PLPP4: variants seen among roughly 807,000 people sequenced by gnomAD.
The protein encoded by PLPP4 is diacylglycerol pyrophosphate like 2.
A neutral mutation model predicts 32.2 loss-of-function variants in PLPP4; 20 were observed. The ratio of observed to expected loss-of-function variants is 0.62; its 90% confidence interval spans 0.44 to 0.90. PLPP4 has a LOEUF of 0.90. Among genes scored for constraint, PLPP4 ranks in the 40% least tolerant of loss-of-function variants. The pLI is 0.00. For synonymous variants in PLPP4, 127 were observed against 133.0 expected (o/e 0.95, Z 0.31); for missense variants, 257 against 353.1 (o/e 0.73, Z 2.18).
At chr10:120,470,370 C>A (rs866980753) in intron 1 of PLPP4, among the ~76,000 whole-genome samples, 7 of 152,276 alleles carry the variant, frequency 4.6e-5, no homozygotes, top group Non-Finnish European at 8.8e-5. Flanking sequence ...TGCAAATATT[C>A]TTCCATGTCT....
intron 1 of PLPP4, among the ~76,000 whole-genome samples, chr10:120,463,180 C>T (rs1437526710): frequency 6.6e-6 from 1 of 151,920 alleles, no homozygotes; most frequent in African/African-American, 2.4e-5. Context: ...GTGCCCGCCA[C>T]CACGCCTGGC....
At chr10:120,493,922 G>T (rs922564749) in intron 1 of PLPP4, among the ~76,000 whole-genome samples, 9 of 152,140 alleles carry the variant, frequency 5.9e-5, no homozygotes, top group African/African-American at 2.2e-4. Flanking sequence ...GGCAGGCTTT[G>T]TAGTGTATCA....
chr10:120,507,571 C>T (rs1845555786), intron 2 of PLPP4, among the ~76,000 whole-genome samples: 1 of 152,216 alleles, frequency 6.6e-6, no homozygotes, highest in Non-Finnish European at 1.5e-5. Flanking sequence ...ATACAACTGT[C>T]AGTGGCTGAA....
intron 1 of PLPP4, among the ~76,000 whole-genome samples, chr10:120,500,458 C>G (rs1845190282): frequency 6.6e-6 from 1 of 152,104 alleles, no homozygotes; most frequent in African/African-American, 2.4e-5. Context: ...CTTGCCACTA[C>G]CCAGTCAATG....
intron 5 of PLPP4, among the ~76,000 whole-genome samples, chr10:120,555,885 G>C (rs946542492): frequency 6.6e-6 from 1 of 152,216 alleles, no homozygotes; most frequent in Non-Finnish European, 1.5e-5. Flanking sequence ...GTCTGGTAAG[G>C]AGGGATCCTT....
At chr10:120,530,209 A>G (rs1846637421) in intron 5 of PLPP4, among the ~76,000 whole-genome samples, 1 of 152,234 alleles carries the variant, frequency 6.6e-6, no homozygotes, top group Non-Finnish European at 1.5e-5. Context: ...ACAAATGGAC[A>G]TACTGTATAA....
chr10:120,545,181 C>G (rs1198941963), intron 5 of PLPP4, among the ~76,000 whole-genome samples: 1 of 152,268 alleles, frequency 6.6e-6, no homozygotes, highest in Non-Finnish European at 1.5e-5. Flanking sequence ...CAGCACCTGC[C>G]ATTGCCCAAT....
chr10:120,570,115 G>A (rs1848865534), intron 5 of PLPP4, among the ~76,000 whole-genome samples: 1 of 152,096 alleles, frequency 6.6e-6, no homozygotes, highest in African/African-American at 2.4e-5. Context: ...AAAGCTTCCA[G>A]CACAGTGCCT....
intron 5 of PLPP4, among the ~76,000 whole-genome samples, chr10:120,528,260 G>A (rs1846519995): frequency 6.6e-6 from 1 of 152,028 alleles, no homozygotes; most frequent in Admixed American, 6.5e-5. Flanking sequence ...ATTTTTAGTA[G>A]AGACGGGGTT....
rs895815088 is a variant in PLPP4 at position 120,522,528 on chromosome 10, AC to A, written c.445+1434del. Among the ~76,000 whole-genome samples, 81 of 152,306 alleles carry A rather than the reference AC, an allele frequency of 5.3e-4. 1 individual carries two copies. Among genetic ancestry groups the A allele is most frequent in the African/African-American group, 1.9e-3 (77 of 41,550 alleles). ...CTGGAGGAATTCCTGCTGTCTTGGG[AC>A]TTTCAATGATCAAATACAACAAAAC... is the stretch of plus-strand genomic sequence containing the variant. On this transcript the variant is annotated intron_variant, in intron 5 of 6. Coordinates refer to ENST00000398250, the MANE Select transcript of PLPP4 (RefSeq NM_001030059.3).
At chr10:120,580,902 C>T (rs1451610465) in intron 6 of PLPP4, 1 of 1,289,336 alleles carries the variant, frequency 7.8e-7, no homozygotes, top group Admixed American at 2.3e-5. Context: ...CCACAGTTGG[C>T]TGCTGTGTAT....
At chr10:120,535,875 G>A (rs989390676) in intron 5 of PLPP4, among the ~76,000 whole-genome samples, 7 of 151,970 alleles carry the variant, frequency 4.6e-5, no homozygotes, top group Non-Finnish European at 1.5e-5. Flanking sequence ...ATTTTGTGTG[G>A]TTTTCTTTTA....
At chr10:120,540,594 TGAGAA>T (rs375335401) in intron 5 of PLPP4, among the ~76,000 whole-genome samples, 31 of 152,236 alleles carry the variant, frequency 2.0e-4, no homozygotes, top group African/African-American at 6.7e-4. Flanking sequence ...CAGGGCAAAG[TGAGAA>T]GAGAAGAGGC....
At chr10:120,509,546 T>C (rs1206555905) in intron 2 of PLPP4, among the ~76,000 whole-genome samples, 1 of 152,194 alleles carries the variant, frequency 6.6e-6, no homozygotes, top group Non-Finnish European at 1.5e-5. Context: ...CCAGCCTCAG[T>C]TTCCCCATCT....
chr10:120,502,641 G>A (rs1314263555), intron 1 of PLPP4, among the ~76,000 whole-genome samples: 1 of 152,164 alleles, frequency 6.6e-6, no homozygotes, highest in Non-Finnish European at 1.5e-5. Flanking sequence ...AGCTGAAGCT[G>A]CAAACAGCAC....
intron 1 of PLPP4, among the ~76,000 whole-genome samples, chr10:120,473,509 T>C (rs1398866875): frequency 2.0e-5 from 3 of 152,172 alleles, no homozygotes; most frequent in Admixed American, 6.5e-5. Context: ...TTGTAGTCTT[T>C]TTCTGCACAT....
intron 1 of PLPP4, among the ~76,000 whole-genome samples, chr10:120,503,205 A>G (rs1475325200): frequency 1.3e-5 from 2 of 152,216 alleles, no homozygotes; most frequent in East Asian, 3.9e-4. Context: ...TCACAGCCCC[A>G]AATGACTTGG....
intron 1 of PLPP4, among the ~76,000 whole-genome samples, chr10:120,479,507 C>T (rs1844102896): frequency 2.0e-5 from 3 of 152,094 alleles, no homozygotes; most frequent in South Asian, 4.1e-4. Context: ...TGATGCTGTC[C>T]GTTATTTATT....
Position 120,477,424 on chromosome 10 carries a change from T to C in PLPP4, c.56+20063T>C, listed in dbSNP as rs140625971. ...GTGAAAGTTGTGCTCCAGAAAGAAG[T>C]GTTCCCATCGTCAGTTTTTTTGTTT... On this transcript the variant is annotated intron_variant, in intron 1 of 6. Coordinates refer to ENST00000398250, the MANE Select transcript of PLPP4 (RefSeq NM_001030059.3). Among the ~76,000 whole-genome samples, 22 of 151,642 alleles carry C rather than the reference T, an allele frequency of 1.5e-4. No homozygotes were observed. In the East Asian group the frequency reaches 4.3e-3, roughly 29 times the overall value.
Sources: allele counts gnomAD v4.1 joint callset (sites outside exome capture counted in the v4.1 genomes callset), GRCh38; gene constraint gnomAD v4.1.1; transcripts MANE v1.5; gene names NCBI Gene and HGNC (gene_info 2026-07-23, HGNC 2026-07-21).